IMMP2L: variants seen among roughly 807,000 people sequenced by gnomAD.
IMMP2L encodes the protein mitochondrial inner membrane protease subunit 2.
In IMMP2L, 18 loss-of-function variants were observed where a neutral mutation model predicts 19.3. The observed-to-expected ratio is 0.93, with a 90% confidence interval of 0.64 to 1.38. The LOEUF (loss-of-function observed/expected upper bound fraction) is 1.38, where lower values mean the gene tolerates loss of function less well. Ranked by LOEUF, IMMP2L falls within the 40% of genes most tolerant of loss-of-function variation. IMMP2L has a pLI of 0.00. For synonymous variants in IMMP2L, 76 were observed against 73.0 expected (o/e 1.04, Z -0.21); for missense variants, 233 against 218.2 (o/e 1.07, Z -0.43).
At chr7:110,765,575 T>C (rs1798607756) in intron 5 of IMMP2L, among the ~76,000 whole-genome samples, 3 of 152,192 alleles carry the variant, frequency 2.0e-5, no homozygotes, top group Non-Finnish European at 4.4e-5. Context: ...ATTTTGTCTA[T>C]GGTTAGGGTA....
At chr7:110,766,359 G>C (rs917969073) in intron 5 of IMMP2L, among the ~76,000 whole-genome samples, 1 of 152,080 alleles carries the variant, frequency 6.6e-6, no homozygotes, top group Non-Finnish European at 1.5e-5. Flanking sequence ...GGGAGTCTAA[G>C]GCAGGCAGAT....
intron 2 of IMMP2L, among the ~76,000 whole-genome samples, chr7:111,504,226 T>C: frequency 6.6e-6 from 1 of 152,174 alleles, no homozygotes; most frequent in East Asian, 1.9e-4. Flanking sequence ...TCACAATTGC[T>C]TCAAAGAGAA....
At chr7:111,056,887 G>C (rs1793559289) in intron 3 of IMMP2L, among the ~76,000 whole-genome samples, 1 of 152,120 alleles carries the variant, frequency 6.6e-6, no homozygotes, top group Admixed American at 6.6e-5. Context: ...TGCTGTCTCA[G>C]GGGTGGCAGA....
At chr7:111,502,177 C>G (rs1385733969) in intron 2 of IMMP2L, among the ~76,000 whole-genome samples, 2 of 152,032 alleles carry the variant, frequency 1.3e-5, no homozygotes, top group Admixed American at 6.5e-5. Flanking sequence ...ATCCTAGTCT[C>G]TGACAAAACA....
intron 2 of IMMP2L, among the ~76,000 whole-genome samples, chr7:111,506,130 A>C (rs6967064): frequency 0.011 from 1,600 of 151,666 alleles, 33 homozygotes; most frequent in African/African-American, 0.035. Context: ...TTAGCTGTCC[A>C]GGACTTCGAG....
At chr7:111,031,967 C>T (rs898975884) in intron 3 of IMMP2L, among the ~76,000 whole-genome samples, 2 of 113,886 alleles carry the variant, frequency 1.8e-5, no homozygotes, top group African/African-American at 3.6e-5. Context: ...GAGACAGGGT[C>T]TCACTCTGTC....
chr7:110,973,025 T>G (rs1485413728), intron 3 of IMMP2L, among the ~76,000 whole-genome samples: 2 of 152,104 alleles, frequency 1.3e-5, no homozygotes, highest in African/African-American at 2.4e-5. Flanking sequence ...TAGAATAGAA[T>G]GATGGTTGCC....
At chr7:111,365,726 G>T (rs1003915765) in intron 3 of IMMP2L, among the ~76,000 whole-genome samples, 10 of 152,034 alleles carry the variant, frequency 6.6e-5, no homozygotes, top group African/African-American at 2.2e-4. Flanking sequence ...TATGAAACTT[G>T]GTTTTTAATG....
chr7:110,883,734 T>C (rs988857674), intron 5 of IMMP2L, among the ~76,000 whole-genome samples: 12 of 152,064 alleles, frequency 7.9e-5, no homozygotes, highest in Non-Finnish European at 5.9e-5. Context: ...AAATAAATTA[T>C]ATATTTTAGG....
At chr7:111,079,958 G>A (rs1303160687) in intron 3 of IMMP2L, among the ~76,000 whole-genome samples, 2 of 151,952 alleles carry the variant, frequency 1.3e-5, no homozygotes, top group African/African-American at 4.8e-5. Context: ...CATGTGTGAT[G>A]TCATAAGGTC....
intron 3 of IMMP2L, among the ~76,000 whole-genome samples, chr7:111,140,009 T>A (rs1802721151): frequency 6.6e-6 from 1 of 152,154 alleles, no homozygotes; most frequent in Non-Finnish European, 1.5e-5. Context: ...CCTACATATG[T>A]TATTTTCTTG....
chr7:111,304,164 A>G (rs2060709142), intron 3 of IMMP2L, among the ~76,000 whole-genome samples: 1 of 152,114 alleles, frequency 6.6e-6, no homozygotes, highest in Non-Finnish European at 1.5e-5. Flanking sequence ...GCTTGTGTGA[A>G]TTATTATCAT....
chr7:111,075,288 T>G (rs1351773215), intron 3 of IMMP2L, among the ~76,000 whole-genome samples: 1 of 151,942 alleles, frequency 6.6e-6, no homozygotes, highest in South Asian at 2.1e-4. Context: ...AACCATGCAC[T>G]GCTAATTTTT....
intron 5 of IMMP2L, among the ~76,000 whole-genome samples, chr7:110,846,348 C>CTTTTTTTTTTTTTTTT (rs919194286): frequency 7.9e-6 from 1 of 126,438 alleles, no homozygotes; most frequent in Non-Finnish European, 1.6e-5. Context: ...ACCCTGATTT[C>CTTTTTTTTTTTTTTTT]TTTTTTTTTT....
intron 3 of IMMP2L, among the ~76,000 whole-genome samples, chr7:111,440,573 G>T (rs983507818): frequency 6.6e-6 from 1 of 151,786 alleles, no homozygotes; most frequent in East Asian, 1.9e-4. Flanking sequence ...TATCATCTAG[G>T]CTTTGTTGTT....
rs1791541905 is a variant in IMMP2L at position 111,038,248 on chromosome 7, T to G, written c.240-74683A>C. ...GATTTTTATTTTTATAAAATCTAAA[T>G]GCAATTATTCACAATTTGGGGGTGG... On this transcript the variant is annotated intron_variant, in intron 3 of 5. Transcript: ENST00000405709. Among the ~76,000 whole-genome samples the G allele has an allele frequency of 2.6e-5, 4 of 152,216 alleles. No homozygotes were observed. In the South Asian group the frequency reaches 8.3e-4, roughly 32 times the overall value.
At chr7:110,886,554 A>C in intron 5 of IMMP2L, 39 bp downstream of exon 5, 1 of 1,151,560 alleles carries the variant, frequency 8.7e-7, no homozygotes, top group Non-Finnish European at 1.3e-6. Context: ...TCACCTTTGA[A>C]ATCCAATTAC....
At chr7:111,495,528 A>T (rs971591687) in intron 2 of IMMP2L, among the ~76,000 whole-genome samples, 4 of 152,152 alleles carry the variant, frequency 2.6e-5, no homozygotes, top group Non-Finnish European at 5.9e-5. Flanking sequence ...CTACAAACAA[A>T]TATTATTGTC....
intron 4 of IMMP2L, among the ~76,000 whole-genome samples, chr7:110,908,116 A>T (rs1812664456): frequency 6.6e-6 from 1 of 152,216 alleles, no homozygotes; most frequent in South Asian, 2.1e-4. Flanking sequence ...AATTCAGAGC[A>T]GGTATTTCTA....
Sources: gnomAD v4.1 joint callset for allele counts (sites outside exome capture counted in the v4.1 genomes callset) on GRCh38, gnomAD v4.1.1 for gene constraint, MANE v1.5 for transcripts, NCBI Gene and HGNC (gene_info 2026-07-23, HGNC 2026-07-21) for gene names.